C2CD2L: variants seen among roughly 807,000 people sequenced by gnomAD.
C2CD2L encodes the protein C2CD2 like, also known as phospholipid transfer protein C2CD2L.
In C2CD2L, 24 loss-of-function variants were observed where a neutral mutation model predicts 69.9. The observed-to-expected ratio is 0.34, with a 90% confidence interval of 0.25 to 0.48. C2CD2L has a LOEUF of 0.48. Among genes scored for constraint, C2CD2L ranks in the 20% least tolerant of loss-of-function variants. C2CD2L has a pLI of 0.99. For synonymous variants in C2CD2L, 367 were observed against 391.0 expected (o/e 0.94, Z 0.72); for missense variants, 811 against 941.5 (o/e 0.86, Z 1.81).
chr11:119,107,957 G>A lies in C2CD2L; in HGVS notation c.216G>A (p.Leu72=). The A allele has an allele frequency of 6.4e-7, 1 of 1,551,444 alleles. No individual in the cohort carries two copies. Among genetic ancestry groups the A allele is most frequent in the Admixed American group, 2.1e-5 (1 of 48,108 alleles). The change falls in exon 1 of 14, where the codon CTG becomes CTA. Residue 72 remains leucine (L), a synonymous_variant. Transcript: ENST00000648610. This position sits in a 1 kb window ranked among gnomAD's most constrained non-coding sequence, Gnocchi z 5.4. ...ELGVWRSLLR[L]RATRAGAAEE... is the part of the protein sequence containing the mutation. ...GCGTGTGGCGCTCGCTGCTGCGGCT[G>A]CGGGCGACTCGGGCTGGCGCCGCCG...
rs2134946327 is a variant in C2CD2L, at chr11:119,109,607, G to A, written c.355-497G>A. On this transcript the variant is annotated intron_variant, in intron 1 of 13. Coordinates refer to ENST00000648610, the MANE Select transcript of C2CD2L (RefSeq NM_001290474.2). The surrounding 1 kb of genome is among the most constrained non-coding windows in gnomAD (Gnocchi z 5.1). ...CCACATCTTATTTATTTGGAAGAAG[G>A]CTTAGCTTCATTTCTGCAGCTCTTA... Among the ~76,000 whole-genome samples, 1 of 152,278 alleles carries A rather than the reference G, an allele frequency of 6.6e-6. No homozygotes were observed.
Position 119,114,960 on chromosome 11 carries a change from AT to A in C2CD2L, c.1909+605del, listed in dbSNP as rs1212779932. 1.7e-4 allele frequency: 25 copies of A among 148,582 alleles called. No individual in the cohort carries two copies. Among genetic ancestry groups the A allele is most frequent in the Non-Finnish European group, 2.2e-4 (15 of 67,832 alleles). 9.2% of individuals were successfully genotyped at this position (148,582 alleles called of 1,614,324 possible). On this transcript the variant is annotated intron_variant, in intron 13 of 13. Transcript: ENST00000648610. The surrounding 1 kb of genome is among the most constrained non-coding windows in gnomAD (Gnocchi z 5.1). Reference sequence around the variant, plus strand: ...AGAGTGAGACCCTGTCTCAAAAAAAATTTTTTTTTTCCATGGCTGGGCACGG... The same window carrying A: ...AGAGTGAGACCCTGTCTCAAAAAAAATTTTTTTTTCCATGGCTGGGCACGG...
chr11:119,107,688 C>A lies in C2CD2L; in HGVS notation c.-54C>A. 2.5e-6 allele frequency: 3 copies of A among 1,216,986 alleles called. No individual in the cohort carries two copies. The highest frequency in any genetic ancestry group is 3.2e-6 in the Non-Finnish European group (3 of 930,504). 75.4% of individuals were successfully genotyped at this position (1,216,986 alleles called of 1,614,324 possible). Reference sequence around the variant, plus strand: ...CCGCGGCCCGCCCGGGCCATGCTCCCCCGGGGCAGCGGGTGAGCCCCAGCC... The same window carrying A: ...CCGCGGCCCGCCCGGGCCATGCTCCACCGGGGCAGCGGGTGAGCCCCAGCC... On this transcript the variant is annotated 5_prime_UTR_variant, in exon 1 of 14. Transcript: ENST00000648610. The surrounding 1 kb of genome is among the most constrained non-coding windows in gnomAD (Gnocchi z 5.4).
rs745864092 is a variant in C2CD2L, at chr11:119,112,413, G to T, written c.1084+21G>T. 10 of 1,613,252 alleles carry T rather than the reference G, an allele frequency of 6.2e-6. No homozygotes were observed. In the South Asian group the frequency reaches 9.9e-5, roughly 16 times the overall value. The stretch of plus-strand genomic sequence containing the variant: ...AGACAGTAAGTGAGGGGTGGGAGGG[G>T]CACCCCTGGGTGGGTACAGAGTGGG... On this transcript the variant is annotated intron_variant, in intron 8 of 13. Transcript: ENST00000648610.
Position 119,116,581 on chromosome 11 carries a change from T to C in C2CD2L, c.*325T>C. 1 of 465,580 alleles carries C rather than the reference T, an allele frequency of 2.1e-6. No individual in the cohort carries two copies. Among genetic ancestry groups the C allele is most frequent in the South Asian group, 2.9e-5 (1 of 34,412 alleles). The allele number at this position is 465,580 out of a possible 1,614,324, so 28.8% of individuals were successfully genotyped here. On this transcript the variant is annotated 3_prime_UTR_variant, in exon 14 of 14. Coordinates refer to ENST00000648610, the MANE Select transcript of C2CD2L (RefSeq NM_001290474.2). ...GCGGAGTCCCAGGGTGCTCAGCTCTTCAGCTGACCCTTCTTCCCTTATTTA... is the reference window on the plus strand; with the variant it reads ...GCGGAGTCCCAGGGTGCTCAGCTCTCCAGCTGACCCTTCTTCCCTTATTTA...
intron 13 of C2CD2L, chr11:119,115,678 T>C: frequency 2.6e-6 from 1 of 383,700 alleles, no homozygotes; most frequent in Non-Finnish European, 4.7e-6. Flanking sequence ...GAGTACCTTC[T>C]GGTAGCTTTT....
At position 119,116,457 on chromosome 11, in the gene C2CD2L, T is replaced by C. The variant is rs1946895748; in HGVS notation, c.*201T>C. ...AGGTGGGCACCCGGTGCCGAGGACATGGACGAGGGACTGGTGGCTGGGAGG... is the reference window on the plus strand; with the variant it reads ...AGGTGGGCACCCGGTGCCGAGGACACGGACGAGGGACTGGTGGCTGGGAGG... On this transcript the variant is annotated 3_prime_UTR_variant, in exon 14 of 14. Transcript: ENST00000648610. 4 of 599,808 alleles carry C rather than the reference T, an allele frequency of 6.7e-6. No individual in the cohort carries two copies. Among genetic ancestry groups the C allele is most frequent in the Non-Finnish European group, 1.2e-5 (4 of 336,852 alleles). 37.2% of individuals were successfully genotyped at this position (599,808 alleles called of 1,614,324 possible).
At position 119,110,026 on chromosome 11, in the gene C2CD2L, C is replaced by G. The variant is rs533700950; in HGVS notation, c.355-78C>G. ...GCTGAGGCCTCCGCAGTGGCAGAGTCCAGCCAGCAACTGAGCAGGCCAACC... is the reference window on the plus strand; with the variant it reads ...GCTGAGGCCTCCGCAGTGGCAGAGTGCAGCCAGCAACTGAGCAGGCCAACC... On this transcript the variant is annotated intron_variant, in intron 1 of 13. Coordinates refer to ENST00000648610, the MANE Select transcript of C2CD2L (RefSeq NM_001290474.2). The surrounding 1 kb of genome is among the most constrained non-coding windows in gnomAD (Gnocchi z 5.7). The G allele has an allele frequency of 6.2e-5, 64 of 1,031,900 alleles. 1 individual carries two copies. The East Asian group carries it at 1.5e-3, about 24-fold the overall frequency. The allele number at this position is 1,031,900 out of a possible 1,614,324, so 63.9% of individuals were successfully genotyped here.
rs1164143447 is a variant in C2CD2L at position 119,116,723 on chromosome 11, T to C, written c.*467T>C. The C allele has an allele frequency of 6.0e-6, 1 of 167,728 alleles. No homozygotes were observed. Among genetic ancestry groups the C allele is most frequent in the Admixed American group, 5.6e-5 (1 of 17,944 alleles). 10.4% of individuals were successfully genotyped at this position (167,728 alleles called of 1,614,324 possible). On this transcript the variant is annotated 3_prime_UTR_variant, in exon 14 of 14. Coordinates refer to ENST00000648610, the MANE Select transcript of C2CD2L (RefSeq NM_001290474.2). ...GGAGGGTGGGTAATTCCCTTTGGGA[T>C]GGGGCTCCCACACCTCCCTCAGGTC...
rs1344628249 is a variant in C2CD2L at position 119,118,404 on chromosome 11, G to T, written c.*2148G>T. The T allele has an allele frequency of 6.6e-6, 1 of 152,164 alleles. No homozygotes were observed. Among genetic ancestry groups the T allele is most frequent in the African/African-American group, 2.4e-5 (1 of 41,434 alleles). 9.4% of individuals were successfully genotyped at this position (152,164 alleles called of 1,614,324 possible). A position where few individuals can be genotyped will look rare whatever the true frequency, so the allele number is the denominator to read the frequency against. ...GATAATGGCCTCCAGTTCCACCCAT[G>T]TTGCTGGAAAACACATGATTTCATT... is the stretch of plus-strand genomic sequence containing the variant. On this transcript the variant is annotated 3_prime_UTR_variant, in exon 14 of 14. Coordinates refer to ENST00000648610, the MANE Select transcript of C2CD2L (RefSeq NM_001290474.2).
At chr11:119,113,154 C>T (rs1021111673) in intron 10 of C2CD2L, 11 of 513,176 alleles carry the variant, frequency 2.1e-5, no homozygotes, top group Non-Finnish European at 3.5e-5. Flanking sequence ...AGCTTCCCCT[C>T]TGGCTTTTCA....
upstream of C2CD2L, among the ~76,000 whole-genome samples, chr11:119,106,041 G>C (rs1946579415): frequency 6.6e-6 from 1 of 152,204 alleles, no homozygotes; most frequent in African/African-American, 2.4e-5. Context: ...AATCTCCACT[G>C]ATTTGGCAGT....
At position 119,109,664 on chromosome 11, in the gene C2CD2L, G is replaced by A. The variant is rs148487778; in HGVS notation, c.355-440G>A. Among the ~76,000 whole-genome samples the A allele has an allele frequency of 2.2e-4, 34 of 152,320 alleles. No individual in the cohort carries two copies. Among genetic ancestry groups the A allele is most frequent in the African/African-American group, 7.2e-4 (30 of 41,566 alleles). ...ACAAGGTGGCTCTACCACCTTTACC[G>A]GGGCTTAGCCCTTTCCCTCTGCCCA... On this transcript the variant is annotated intron_variant, in intron 1 of 13. Coordinates refer to ENST00000648610, the MANE Select transcript of C2CD2L (RefSeq NM_001290474.2). The surrounding 1 kb of genome is among the most constrained non-coding windows in gnomAD (Gnocchi z 5.1).
Position 119,110,573 on chromosome 11 carries a change from C to T in C2CD2L, c.463C>T (p.Gln155Ter). The stretch of plus-strand genomic sequence containing the variant: ...TCGCCGGTCTCAGGTGCTGCGTTGC[C>T]AGCTCTCTGCTGAGGAGGTGCGGTT... ...QSEHTMVLRC[Q>*]LSAEEVRFPV... The change falls in exon 3 of 14, where the codon CAG (glutamine) becomes TAG (stop). Residue 155 changes from glutamine (Q) to a stop codon, truncating the protein, a stop_gained. Transcript: ENST00000648610. LOFTEE classifies it high-confidence loss of function. The surrounding 1 kb of genome is among the most constrained non-coding windows in gnomAD (Gnocchi z 5.7). The T allele has an allele frequency of 1.2e-6, 2 of 1,609,152 alleles. No individual in the cohort carries two copies. Among genetic ancestry groups the T allele is most frequent in the Non-Finnish European group, 8.5e-7 (1 of 1,179,160 alleles).
In C2CD2L at chr11:119,114,162, C is replaced by A. The variant is rs141383136; in HGVS notation, c.1706C>A (p.Thr569Asn). 2 of 1,614,114 alleles carry A rather than the reference C, an allele frequency of 1.2e-6. No individual in the cohort carries two copies. Among genetic ancestry groups the A allele is most frequent in the Non-Finnish European group, 8.5e-7 (1 of 1,180,010 alleles). ...GCCTCAGTGCAGGATGATGCAGGGACCAGCGGAGGCCCCTCTTCACCTCCC... is the reference window on the plus strand; with the variant it reads ...GCCTCAGTGCAGGATGATGCAGGGAACAGCGGAGGCCCCTCTTCACCTCCC... ...LEASVQDDAG[T>N]SGGPSSPPSD... Residue 569 changes from threonine (T) to asparagine (N), a missense_variant, in exon 13 of 14, where the codon ACC (threonine) becomes AAC (asparagine). Thr to Asn is a moderately conservative substitution (Grantham distance 65). Coordinates refer to ENST00000648610, the MANE Select transcript of C2CD2L (RefSeq NM_001290474.2). The surrounding 1 kb of genome is among the most constrained non-coding windows in gnomAD (Gnocchi z 5.1).
chr11:119,102,295 G>T (rs1453600105), upstream of C2CD2L: 7 of 472,812 alleles, frequency 1.5e-5, no homozygotes, highest in Non-Finnish European at 2.6e-5. Flanking sequence ...TGAAAGGCAG[G>T]GGGTGGGGAG....
upstream of C2CD2L, chr11:119,102,476 T>G (rs1000213032): frequency 5.3e-6 from 2 of 373,912 alleles, no homozygotes; most frequent in Admixed American, 3.6e-5. Context: ...TCTGTTTTTC[T>G]TGTCCTCGAT....
chr11:119,111,750 T>C, intron 7 of C2CD2L, 121 bp downstream of exon 7: 1 of 681,362 alleles, frequency 1.5e-6, no homozygotes. Flanking sequence ...TCCTATTGTA[T>C]GCCAGGCCCT....
Position 119,116,396 on chromosome 11 carries a change from C to G in C2CD2L, c.*140C>G. 3.0e-6 allele frequency: 2 copies of G among 675,142 alleles called. No individual in the cohort carries two copies. Among genetic ancestry groups the G allele is most frequent in the Non-Finnish European group, 5.0e-6 (2 of 396,372 alleles). The allele number at this position is 675,142 out of a possible 1,614,324, so 41.8% of individuals were successfully genotyped here. ...CCCCGTCCACCCTGGGCCATGGGGC[C>G]GGTTGGAAGGATACTTGGAACGGGA... On this transcript the variant is annotated 3_prime_UTR_variant, in exon 14 of 14. Transcript: ENST00000648610.
Sources: gnomAD v4.1 joint callset for allele counts (sites outside exome capture counted in the v4.1 genomes callset) on GRCh38, gnomAD v4.1.1 for gene constraint, Gnocchi (gnomAD v3.1) non-coding constraint, MANE v1.5 for transcripts, NCBI Gene and HGNC (gene_info 2026-07-23, HGNC 2026-07-21) for gene names.